UBE3C: variants seen among roughly 807,000 people sequenced by gnomAD.
UBE3C encodes the protein ubiquitin-protein ligase E3C.
UBE3C carries 42 observed loss-of-function variants against 129.4 expected under a neutral mutation model. The ratio of observed to expected loss-of-function variants is 0.32; its 90% CI spans 0.25 to 0.42. The LOEUF (loss-of-function observed/expected upper bound fraction) is 0.42, where lower values mean the gene tolerates loss of function less well. UBE3C is among the 10% of genes least tolerant of loss of function. UBE3C has a pLI of 1.00. For synonymous variants in UBE3C, 510 were observed against 492.4 expected, an observed-to-expected ratio of 1.04 and a Z score of -0.47; for missense variants, 1,049 against 1,319.1, an observed-to-expected ratio of 0.80 and a Z score of 3.17.
intron 1 of UBE3C, among the ~76,000 whole-genome samples, chr7:157,160,564 A>G (rs1456275564): frequency 6.6e-6 from 1 of 152,160 alleles, no homozygotes; most frequent in Non-Finnish European, 1.5e-5. Flanking sequence ...TTTGTATGGT[A>G]CCAAGTAGTA....
chr7:157,240,636 G>T (rs921796875), intron 18 of UBE3C, among the ~76,000 whole-genome samples: 1 of 152,114 alleles, frequency 6.6e-6, no homozygotes, highest in African/African-American at 2.4e-5. Flanking sequence ...GTTCAGAGTG[G>T]TTACAAGAGC....
chr7:157,225,583 A>T (rs1795853548), intron 17 of UBE3C, 44 bp downstream of exon 17: 1 of 1,511,722 alleles, frequency 6.6e-7, no homozygotes, highest in Non-Finnish European at 8.8e-7. Context: ...GGTGGAGGCT[A>T]GGGAATTGTT....
chr7:157,164,472 A>C (rs147025939), intron 2 of UBE3C: 3 of 456,684 alleles, frequency 6.6e-6, no homozygotes, highest in African/African-American at 6.0e-5. Flanking sequence ...TTGATGTTTC[A>C]TGAAGCATAA....
At chr7:157,252,250 C>G (rs1239131425) in intron 19 of UBE3C, among the ~76,000 whole-genome samples, 1 of 152,160 alleles carries the variant, frequency 6.6e-6, no homozygotes, top group Non-Finnish European at 1.5e-5. Context: ...CCAAATCATA[C>G]AAGTACATCA....
intron 8 of UBE3C, among the ~76,000 whole-genome samples, chr7:157,182,763 G>T (rs1395430739): frequency 6.6e-6 from 1 of 151,934 alleles, no homozygotes; most frequent in African/African-American, 2.4e-5. Flanking sequence ...TTGGGTGCGG[G>T]GGGGTATATA....
intron 1 of UBE3C, among the ~76,000 whole-genome samples, chr7:157,158,409 G>A (rs1353462117): frequency 6.6e-6 from 1 of 152,178 alleles, no homozygotes; most frequent in Non-Finnish European, 1.5e-5. Context: ...CAAACAGGTT[G>A]AAAGTAGATG....
At chr7:157,160,993 T>A (rs1395047997) in intron 1 of UBE3C, among the ~76,000 whole-genome samples, 1 of 152,142 alleles carries the variant, frequency 6.6e-6, no homozygotes, top group Non-Finnish European at 1.5e-5. Flanking sequence ...AAACCCAAAT[T>A]GAGGGACAGC....
intron 1 of UBE3C, among the ~76,000 whole-genome samples, chr7:157,161,745 C>T (rs1344324874): frequency 2.0e-5 from 3 of 152,038 alleles, no homozygotes; most frequent in African/African-American, 2.4e-5. Flanking sequence ...TGAGCCATTG[C>T]GCCAAGTCTG....
chr7:157,214,545 G>A (rs1436103551), intron 13 of UBE3C, among the ~76,000 whole-genome samples: 1 of 152,078 alleles, frequency 6.6e-6, no homozygotes, highest in Non-Finnish European at 1.5e-5. Context: ...TTAACGGTTG[G>A]GGTGATTATG....
intron 10 of UBE3C, among the ~76,000 whole-genome samples, chr7:157,196,700 G>A (rs1809129045): frequency 6.6e-6 from 1 of 152,148 alleles, no homozygotes; most frequent in African/African-American, 2.4e-5. Context: ...CAGGTGCAGT[G>A]GCTCACGCCT....
At chr7:157,187,570 T>C (rs1243528622) in intron 10 of UBE3C, among the ~76,000 whole-genome samples, 1 of 149,086 alleles carries the variant, frequency 6.7e-6, no homozygotes, top group Non-Finnish European at 1.5e-5. Flanking sequence ...TGTGTGTGTG[T>C]GTGTTTGTTT....
intron 10 of UBE3C, among the ~76,000 whole-genome samples, chr7:157,192,030 CAT>C (rs1357253475): frequency 6.6e-6 from 1 of 152,190 alleles, no homozygotes; most frequent in Non-Finnish European, 1.5e-5. Flanking sequence ...CATTTCAGCA[CAT>C]AGTGATCTTA....
intron 10 of UBE3C, chr7:157,192,585 C>G: frequency 1.3e-6 from 1 of 765,428 alleles, no homozygotes; most frequent in Non-Finnish European, 2.4e-6. Context: ...GTTGAGACTT[C>G]GTGGTGGTGC....
At chr7:157,139,738 C>T (rs992028392) in intron 1 of UBE3C, among the ~76,000 whole-genome samples, 1 of 152,248 alleles carries the variant, frequency 6.6e-6, no homozygotes, top group Non-Finnish European at 1.5e-5. Flanking sequence ...CTTACCCTTT[C>T]TGGGTGTTTC....
chr7:157,154,820 T>G (rs1563030392), intron 1 of UBE3C, among the ~76,000 whole-genome samples: 1 of 152,228 alleles, frequency 6.6e-6, no homozygotes, highest in Non-Finnish European at 1.5e-5. Context: ...AGTCAGACTT[T>G]ATTTTTAAAA....
At chr7:157,267,111 A>G (rs547144642) in intron 22 of UBE3C, among the ~76,000 whole-genome samples, 4 of 150,312 alleles carry the variant, frequency 2.7e-5, no homozygotes, top group East Asian at 3.9e-4. Context: ...GAACTAAGCC[A>G]TCAATGTAAT....
intron 13 of UBE3C, among the ~76,000 whole-genome samples, chr7:157,214,571 G>T (rs1196820455): frequency 6.6e-6 from 1 of 152,166 alleles, no homozygotes; most frequent in African/African-American, 2.4e-5. Context: ...GCTAATTTCA[G>T]CATGGTAACT....
intron 5 of UBE3C, among the ~76,000 whole-genome samples, chr7:157,176,574 C>T (rs62491951): frequency 0.046 from 6,997 of 152,334 alleles, 216 homozygotes; most frequent in Non-Finnish European, 0.071. Context: ...CGTGCCCAGC[C>T]AAACCCATGT....
At chr7:157,224,909 A>G (rs1274859782) in intron 16 of UBE3C, among the ~76,000 whole-genome samples, 1 of 152,106 alleles carries the variant, frequency 6.6e-6, no homozygotes, top group South Asian at 2.1e-4. Context: ...AGATATTTCT[A>G]CTAGTGTTAG....
Sources: allele counts gnomAD v4.1 joint callset (sites outside exome capture counted in the v4.1 genomes callset), GRCh38; gene constraint gnomAD v4.1.1; transcripts MANE v1.5; gene names NCBI Gene and HGNC (gene_info 2026-07-23, HGNC 2026-07-21).